Variants in JPH2 observed in about 807,000 individuals in gnomAD.
JPH2 encodes junctophilin 2.
A neutral mutation model predicts 55.9 loss-of-function variants in JPH2; 38 were observed. That is an observed-to-expected ratio of 0.68 (90% confidence interval 0.52 to 0.89). The LOEUF (loss-of-function observed/expected upper bound fraction) is 0.89, where lower values mean the gene tolerates loss of function less well. Ranked by LOEUF, JPH2 falls within the 40% of genes least tolerant of loss-of-function variation. The pLI, the probability that JPH2 is intolerant of heterozygous loss-of-function variation, is 0.00. For missense variants in JPH2, 964 were observed against 1,037.6 expected (o/e 0.93, Z 0.97); for synonymous variants, 480 against 472.4 (o/e 1.02, Z -0.21).
At position 44,110,718 on chromosome 20, in the gene JPH2, C is replaced by G. The variant is rs1402984732; in HGVS notation, c.*2800G>C. On this transcript the variant is annotated 3_prime_UTR_variant, in exon 6 of 6. Coordinates refer to ENST00000372980, the MANE Select transcript of JPH2 (RefSeq NM_020433.5). ...AACGTGCTGGAATTATAGGTGTGAG[C>G]CACCATGCCCAGCTTAAAACCTCTT... 1.3e-5 allele frequency among the ~76,000 whole-genome samples: 2 copies of G among 152,214 alleles called. No homozygotes were observed. Among genetic ancestry groups the G allele is most frequent in the African/African-American group, 4.8e-5 (2 of 41,450 alleles).
chr20:44,116,728 C>T (rs1186720946), intron 3 of JPH2, among the ~76,000 whole-genome samples: 1 of 152,220 alleles, frequency 6.6e-6, no homozygotes, highest in Non-Finnish European at 1.5e-5. Flanking sequence ...CGTCTCTTTC[C>T]ATTCCCTTAT....
intron 1 of JPH2, among the ~76,000 whole-genome samples, chr20:44,162,783 T>TACACACAC (rs1218448060): frequency 8.1e-5 from 5 of 62,074 alleles, no homozygotes; most frequent in East Asian, 7.2e-4. Context: ...TATATATATA[T>TACACACAC]ATATACACAC....
chr20:44,141,358 T>C (rs1290286053), intron 2 of JPH2, among the ~76,000 whole-genome samples: 1 of 151,876 alleles, frequency 6.6e-6, no homozygotes, highest in Non-Finnish European at 1.5e-5. Context: ...TTTCTGAGTG[T>C]GAGGACAAAA....
intron 2 of JPH2, among the ~76,000 whole-genome samples, chr20:44,137,412 C>A (rs954807432): frequency 7.9e-5 from 12 of 152,358 alleles, no homozygotes; most frequent in Non-Finnish European, 1.8e-4. Context: ...CCTCCCGCCC[C>A]TCCCCAGGTG....
Position 44,155,705 on chromosome 20 carries a change from T to C in JPH2, c.1169+3913A>G, listed in dbSNP as rs1368977156. On this transcript the variant is annotated intron_variant, in intron 2 of 5. Coordinates refer to ENST00000372980, the MANE Select transcript of JPH2 (RefSeq NM_020433.5). ...AAGAAACATATCAGACAAACCCAAA[T>C]TGAGGGACACTCTATAAACTATCTC... Among the ~76,000 whole-genome samples the C allele has an allele frequency of 2.0e-5, 3 of 152,218 alleles. No individual in the cohort carries two copies. In the East Asian group the frequency reaches 5.8e-4, roughly 29 times the overall value.
At chr20:44,144,677 C>T (rs904140587) in intron 2 of JPH2, among the ~76,000 whole-genome samples, 3 of 152,180 alleles carry the variant, frequency 2.0e-5, no homozygotes, top group Admixed American at 1.3e-4. Flanking sequence ...ATGGTGGAGT[C>T]TGGCTCAGAG....
In JPH2 at chr20:44,159,725, C is replaced by A; in HGVS notation, c.1062G>T (p.Met354Ile). Reference sequence around the variant, plus strand: ...GGACCTTGTTGCTCTTGAGCTGCAGCATGCGGCGCTTGGTGTCCTTGACCA... The same window carrying A: ...GGACCTTGTTGCTCTTGAGCTGCAGAATGCGGCGCTTGGTGTCCTTGACCA... The part of the protein sequence containing the change: ...NVLVKDTKRR[M>I]LQLKSNKVRQ... The change falls in exon 2 of 6, where the codon ATG becomes ATT. Residue 354 changes from methionine to isoleucine, a missense_variant. Coordinates refer to ENST00000372980, the MANE Select transcript of JPH2 (RefSeq NM_020433.5). This position sits in a 1 kb window ranked among gnomAD's most constrained non-coding sequence, Gnocchi z 5.7. 2.5e-6 allele frequency: 4 copies of A among 1,613,664 alleles called. No individual in the cohort carries two copies. Among genetic ancestry groups the A allele is most frequent in the Non-Finnish European group, 3.4e-6 (4 of 1,179,970 alleles).
intron 1 of JPH2, chr20:44,178,123 T>G (rs2072750113): frequency 2.8e-6 from 2 of 704,354 alleles, no homozygotes; most frequent in Admixed American, 2.1e-5. Context: ...TTTAGTAATA[T>G]CAGATTCTCT....
intron 1 of JPH2, among the ~76,000 whole-genome samples, chr20:44,164,904 C>T (rs1210208561): frequency 6.8e-6 from 1 of 147,914 alleles, no homozygotes; most frequent in Non-Finnish European, 1.5e-5. Flanking sequence ...ATGTTGCAAT[C>T]TTGGCTCGCT....
At position 44,110,157 on chromosome 20, in the gene JPH2, C is replaced by T. The variant is rs576720163; in HGVS notation, c.*3361G>A. ...AACCTGGGGCTCAGGAAGCCGCCTC[C>T]TTTGCACACCATCCAAAGTGAGTTC... is the stretch of plus-strand genomic sequence containing the variant. On this transcript the variant is annotated 3_prime_UTR_variant, in exon 6 of 6. Transcript: ENST00000372980. Among the ~76,000 whole-genome samples, 36 of 152,210 alleles carry T rather than the reference C, an allele frequency of 2.4e-4. No individual in the cohort carries two copies. Among genetic ancestry groups the T allele is most frequent in the African/African-American group, 8.2e-4 (34 of 41,536 alleles).
In JPH2 at chr20:44,112,527, A is replaced by G. The variant is rs1227469033; in HGVS notation, c.*991T>C. On this transcript the variant is annotated 3_prime_UTR_variant, in exon 6 of 6. Transcript: ENST00000372980. ...CTTCTTGACAAGCAGCTTGTCTTCA[A>G]CACCTGCCTTAGTGTCTGCCCCAGG... is the stretch of plus-strand genomic sequence containing the variant. 6.6e-6 allele frequency: 1 copy of G among 152,090 alleles called. No individual in the cohort carries two copies. The highest frequency in any genetic ancestry group is 6.5e-5 in the Admixed American group (1 of 15,272). The allele number at this position is 152,090 out of a possible 1,614,324, so 9.4% of individuals were successfully genotyped here.
chr20:44,140,940 C>T (rs1465097537), intron 2 of JPH2, among the ~76,000 whole-genome samples: 5 of 152,148 alleles, frequency 3.3e-5, no homozygotes, highest in African/African-American at 7.2e-5. Flanking sequence ...GCCCAAGGAA[C>T]GAGTGTTATC....
chr20:44,177,292 A>G (rs1053705086), intron 1 of JPH2: 1 of 985,886 alleles, frequency 1.0e-6, no homozygotes, highest in African/African-American at 1.7e-5. Flanking sequence ...GCCCTCAGAA[A>G]ATGAGACTCG....
At chr20:44,127,947 G>A (rs188165291) in intron 2 of JPH2, among the ~76,000 whole-genome samples, 1 of 152,248 alleles carries the variant, frequency 6.6e-6, no homozygotes, top group Admixed American at 6.5e-5. Flanking sequence ...CAGATCCGTT[G>A]CCAGATTTTA....
At position 44,116,153 on chromosome 20, in the gene JPH2, T is replaced by TC. The variant is rs2072189995; in HGVS notation, c.1521dup (p.Ser508GlufsTer12). 1.4e-6 allele frequency: 2 copies of TC among 1,425,470 alleles called. No individual in the cohort carries two copies. The highest frequency in any genetic ancestry group is 1.8e-6 in the Non-Finnish European group (2 of 1,099,934). 88.3% of individuals were successfully genotyped at this position (1,425,470 alleles called of 1,614,324 possible). A position where few individuals can be genotyped will look rare whatever the true frequency, so the allele number is the denominator to read the frequency against. On this transcript the variant is annotated frameshift_variant, in exon 4 of 6. Coordinates refer to ENST00000372980, the MANE Select transcript of JPH2 (RefSeq NM_020433.5). LOFTEE classifies it high-confidence loss of function. Reference sequence around the variant, plus strand: ...GGCTCGCCGTTCCAGGCGCCTGGGCTCAGCAGGCCGTCCTTGGACACCCCG... The same window carrying TC: ...GGCTCGCCGTTCCAGGCGCCTGGGCTCCAGCAGGCCGTCCTTGGACACCCCG...
chr20:44,116,174 C>T lies in JPH2; in HGVS notation c.1501G>A (p.Val501Met), dbSNP rs2072190194. 4 of 1,404,256 alleles carry T rather than the reference C, an allele frequency of 2.8e-6. No individual in the cohort carries two copies. The highest frequency in any genetic ancestry group is 3.7e-6 in the Non-Finnish European group (4 of 1,090,844). 87.0% of individuals were successfully genotyped at this position (1,404,256 alleles called of 1,614,324 possible). A position where few individuals can be genotyped will look rare whatever the true frequency, so the allele number is the denominator to read the frequency against. Residue 501 changes from valine (V) to methionine (M), a missense_variant, in exon 4 of 6, where the codon GTG (valine) becomes ATG (methionine). Coordinates refer to ENST00000372980, the MANE Select transcript of JPH2 (RefSeq NM_020433.5). ...PPQPKRPRPG[V>M]SKDGLLSPGA... ...GGGCTCAGCAGGCCGTCCTTGGACACCCCGGGCCTGGGCCGCTTGGGCTGC... is the reference window on the plus strand; with the variant it reads ...GGGCTCAGCAGGCCGTCCTTGGACATCCCGGGCCTGGGCCGCTTGGGCTGC...
At chr20:44,117,884 C>A (rs2072206049) in intron 3 of JPH2, among the ~76,000 whole-genome samples, 2 of 152,304 alleles carry the variant, frequency 1.3e-5, no homozygotes, top group Non-Finnish European at 2.9e-5. Flanking sequence ...TGGGAATGTA[C>A]CTTACATGCA....
rs1004084066 is a variant in JPH2, at chr20:44,113,272, G to A, written c.*246C>T. ...CAAGAGACCAGGGCGCTTCTCTCTG[G>A]GCTCTCCTTGCCCCTGGGTAGAGAG... is the stretch of plus-strand genomic sequence containing the variant. On this transcript the variant is annotated 3_prime_UTR_variant, in exon 6 of 6. Coordinates refer to ENST00000372980, the MANE Select transcript of JPH2 (RefSeq NM_020433.5). The A allele has an allele frequency of 1.3e-5, 2 of 152,294 alleles. No individual in the cohort carries two copies. Among genetic ancestry groups the A allele is most frequent in the African/African-American group, 2.4e-5 (1 of 41,420 alleles). 9.4% of individuals were successfully genotyped at this position (152,294 alleles called of 1,614,324 possible).
intron 1 of JPH2, chr20:44,177,972 C>T: frequency 9.1e-7 from 1 of 1,099,346 alleles, no homozygotes; most frequent in Admixed American, 1.7e-5. Flanking sequence ...TTAACACATC[C>T]CTAAAGGAAA....
Sources: allele counts gnomAD v4.1 joint callset (sites outside exome capture counted in the v4.1 genomes callset), GRCh38; gene constraint gnomAD v4.1.1; non-coding constraint Gnocchi (gnomAD v3.1); transcripts MANE v1.5; gene names NCBI Gene and HGNC (gene_info 2026-07-23, HGNC 2026-07-21).